MYO9B: variants seen among roughly 807,000 people sequenced by gnomAD.
MYO9B encodes the protein myosin IXB, also known as unconventional myosin-IXb.
Under a neutral mutation model 229.5 loss-of-function variants are expected in MYO9B, and 71 were observed. That is an observed-to-expected ratio of 0.31 (90% CI 0.26 to 0.38). MYO9B has a LOEUF of 0.38. MYO9B is among the 10% of genes least tolerant of loss of function. MYO9B has a pLI of 1.00. For missense variants in MYO9B, 2,255 were observed against 2,920.5 expected (o/e 0.77, Z 5.25); for synonymous variants, 1,185 against 1,235.8 (o/e 0.96, Z 0.86).
At chr19:17,160,624 C>T (rs570984993) in intron 8 of MYO9B, among the ~76,000 whole-genome samples, 2 of 151,862 alleles carry the variant, frequency 1.3e-5, no homozygotes, top group African/African-American at 4.8e-5. Context: ...TTTCATGCCT[C>T]AGCCTCCTGA....
Position 17,075,814 on chromosome 19 carries a change from C to G in MYO9B, c.-119C>G, listed in dbSNP as rs1282087045. On this transcript the variant is annotated 5_prime_UTR_variant, in exon 1 of 40. Transcript: ENST00000682292. ...AGCGGCTCGAGCAGCGGCGGGCTGG[C>G]AGGCGGTCGTCCGGCCGGGGACCCG... 3 of 150,892 alleles carry G rather than the reference C, an allele frequency of 2.0e-5. No individual in the cohort carries two copies. Among genetic ancestry groups the G allele is most frequent in the East Asian group, 3.9e-4 (2 of 5,130 alleles). The allele number at this position is 150,892 out of a possible 1,614,324, so 9.3% of individuals were successfully genotyped here.
chr19:17,200,418 G>T lies in MYO9B; in HGVS notation c.4364G>T (p.Gly1455Val), dbSNP rs770308042. ...CTGGAAGCCACCACCATGAAGAAGGGCCTGGAAGGTTGGTAGCCTGCAGCC... is the reference window on the plus strand; with the variant it reads ...CTGGAAGCCACCACCATGAAGAAGGTCCTGGAAGGTTGGTAGCCTGCAGCC... Reference protein sequence around the residue: ...VVLEATTMKKGLEAPSGQQHR... With the variant: ...VVLEATTMKKVLEAPSGQQHR... The change falls in exon 25 of 40, where the codon GGC (glycine) becomes GTC (valine). Residue 1455 changes from glycine to valine, a missense_variant. Physicochemically the swap from Gly to Val is moderately radical, Grantham distance 109. Transcript: ENST00000682292. The T allele has an allele frequency of 1.3e-6, 2 of 1,578,846 alleles. No individual in the cohort carries two copies. The highest frequency in any genetic ancestry group is 1.7e-6 in the Non-Finnish European group (2 of 1,161,882).
rs2057476941 is a variant in MYO9B, at chr19:17,075,905, T to C, written c.-59+31T>C. 4 of 151,706 alleles carry C rather than the reference T, an allele frequency of 2.6e-5. No homozygotes were observed. The South Asian group carries it at 7.6e-4, about 29-fold the overall frequency. The allele number at this position is 151,706 out of a possible 1,614,324, so 9.4% of individuals were successfully genotyped here. On this transcript the variant is annotated intron_variant, in intron 1 of 39. Transcript: ENST00000682292. ...TACCAGGCAGCCTCGGGTTGGCGAC[T>C]CGAGCTCGAAGCCTGCCTTTGGGGG...
intron 1 of MYO9B, among the ~76,000 whole-genome samples, chr19:17,092,742 A>G (rs80347454): frequency 7.2e-6 from 1 of 139,026 alleles, no homozygotes; most frequent in South Asian, 2.3e-4. Flanking sequence ...AAAAAAAAAA[A>G]AGCGCTTGCA....
chr19:17,164,743 T>C (rs2072641100), intron 10 of MYO9B, among the ~76,000 whole-genome samples: 1 of 152,196 alleles, frequency 6.6e-6, no homozygotes, highest in Non-Finnish European at 1.5e-5. Flanking sequence ...TCCTTCACGT[T>C]GATGATTCTG....
intron 33 of MYO9B, 129 bp downstream of exon 33, chr19:17,206,505 C>T: frequency 7.0e-7 from 1 of 1,425,672 alleles, no homozygotes; most frequent in African/African-American, 1.4e-5. Flanking sequence ...GCAGTCGGCC[C>T]AGCCAAACCG....
At chr19:17,152,804 G>A in intron 4 of MYO9B, 98 bp downstream of exon 4, 1 of 1,095,204 alleles carries the variant, frequency 9.1e-7, no homozygotes, top group South Asian at 1.4e-5. Context: ...GAGGTCGGAG[G>A]AATTCTGGGG....
intron 16 of MYO9B, chr19:17,184,439 A>G (rs550517385): frequency 5.6e-6 from 1 of 177,448 alleles, no homozygotes; most frequent in South Asian, 1.4e-4. Context: ...TTGTCAGCTG[A>G]TAGAACTGGC....
At chr19:17,142,630 C>T (rs1227002490) in intron 2 of MYO9B, among the ~76,000 whole-genome samples, 1 of 152,068 alleles carries the variant, frequency 6.6e-6, no homozygotes, top group Non-Finnish European at 1.5e-5. Context: ...ATATTTGCAC[C>T]TTCGCAGACT....
Position 17,207,205 on chromosome 19 carries a change from A to G in MYO9B, c.5585A>G (p.Asp1862Gly). ...PCLLRCPDNS[D>G]PLTSMKDVLK... ...CTCCTGCGCTGCCCTGACAACTCGG[A>G]CCCGCTGACCAGCATGAAGGACGTC... The change falls in exon 35 of 40, where the codon GAC becomes GGC. Residue 1862 changes from aspartate to glycine, a missense_variant. Coordinates refer to ENST00000682292, the MANE Select transcript of MYO9B (RefSeq NM_004145.4). 6.2e-7 allele frequency: 1 copy of G among 1,601,318 alleles called. No individual in the cohort carries two copies. Among genetic ancestry groups the G allele is most frequent in the South Asian group, 1.1e-5 (1 of 88,524 alleles).
chr19:17,197,903 A>G (rs776065609), intron 23 of MYO9B, 45 bp downstream of exon 23: 7 of 1,603,646 alleles, frequency 4.4e-6, no homozygotes, highest in Non-Finnish European at 5.1e-6. Flanking sequence ...AAAATACAAA[A>G]ATCAGCCAGG....
chr19:17,206,430 G>T, intron 33 of MYO9B, 54 bp downstream of exon 33: 6 of 1,588,964 alleles, frequency 3.8e-6, no homozygotes, highest in Non-Finnish European at 5.1e-6. Context: ...AGGATACAGC[G>T]TTCGCTGTGA....
At chr19:17,147,405 A>G (rs981207437) in intron 3 of MYO9B, among the ~76,000 whole-genome samples, 1 of 151,900 alleles carries the variant, frequency 6.6e-6, no homozygotes, top group African/African-American at 2.4e-5. Flanking sequence ...TTAGCTGGGC[A>G]TGATGGCAGG....
At chr19:17,184,603 A>C (rs887664327) in intron 16 of MYO9B, 1 of 406,450 alleles carries the variant, frequency 2.5e-6, no homozygotes. Context: ...ACCCAGAGGA[A>C]GAGGAAATGG....
At chr19:17,082,694 G>A (rs938014093) in intron 1 of MYO9B, among the ~76,000 whole-genome samples, 3 of 152,156 alleles carry the variant, frequency 2.0e-5, no homozygotes, top group African/African-American at 7.2e-5. Flanking sequence ...ACGTGGAGAT[G>A]CTGTTTATTG....
At chr19:17,138,418 T>G (rs1385528755) in intron 2 of MYO9B, among the ~76,000 whole-genome samples, 2 of 152,156 alleles carry the variant, frequency 1.3e-5, no homozygotes, top group Non-Finnish European at 2.9e-5. Flanking sequence ...ATATGCCCAG[T>G]AAAGGGATTG....
intron 23 of MYO9B, 160 bp downstream of exon 23, chr19:17,198,018 G>A (rs1420856261): frequency 7.6e-7 from 1 of 1,320,490 alleles, no homozygotes; most frequent in Non-Finnish European, 1.0e-6. Context: ...CGCGAGACCA[G>A]GCCACTGCAC....
intron 10 of MYO9B, 21 bp downstream of exon 10, chr19:17,163,143 TC>T: frequency 6.5e-7 from 1 of 1,545,816 alleles, no homozygotes. Context: ...GGCTTTTTTG[TC>T]AATTTTTTGA....
At chr19:17,200,959 C>T in intron 26 of MYO9B, 130 bp downstream of exon 26, 1 of 1,076,764 alleles carries the variant, frequency 9.3e-7, no homozygotes, top group Non-Finnish European at 1.3e-6. Flanking sequence ...CAGGCTCAGG[C>T]CGGGGACAGT....
Sources: allele counts gnomAD v4.1 joint callset (sites outside exome capture counted in the v4.1 genomes callset), GRCh38; gene constraint gnomAD v4.1.1; transcripts MANE v1.5; gene names NCBI Gene and HGNC (gene_info 2026-07-23, HGNC 2026-07-21).